Variants in LYSMD1 observed in about 807,000 individuals in gnomAD.
The protein encoded by LYSMD1 is lysM and putative peptidoglycan-binding domain-containing protein 1.
LYSMD1 carries 9 observed loss-of-function variants against 19.3 expected under a neutral mutation model. The ratio of observed to expected loss-of-function variants is 0.47; its 90% CI spans 0.28 to 0.81. LYSMD1 has a LOEUF of 0.81. Ranked by LOEUF, LYSMD1 falls within the 40% of genes least tolerant of loss-of-function variation. LYSMD1 has a pLI of 0.11. For missense variants in LYSMD1, 262 were observed against 279.8 expected, an observed-to-expected ratio of 0.94 and a Z score of 0.45; for synonymous variants, 111 against 111.7, an observed-to-expected ratio of 0.99 and a Z score of 0.04.
chr1:151,150,192 G>T, the LYSMD1 span, among the ~76,000 whole-genome samples: 1 of 152,120 alleles, frequency 6.6e-6, no homozygotes, highest in South Asian at 2.1e-4. Context: ...CTAGGCTCAA[G>T]TGATTCTCCT....
rs1683466280 is a variant in LYSMD1, at chr1:151,161,791, G to C, written c.490C>G (p.Gln164Glu). ...ASDFLKKLDS[Q>E]ISLSKKAAAQ... ...GCAGCCTTCTTGGACAGGCTGATCT[G>C]TGAATCAAGCTTCTTAAGGAAATCA... Residue 164 changes from glutamine to glutamate, a missense_variant, in exon 2 of 3, where the codon CAG becomes GAG. Physicochemically the swap from Gln to Glu is conservative, Grantham distance 29 (BLOSUM62 2). Transcript: ENST00000368908. The C allele has an allele frequency of 6.2e-7, 1 of 1,612,766 alleles. No individual in the cohort carries two copies. The highest frequency in any genetic ancestry group is 1.7e-5 in the Admixed American group (1 of 59,510).
chr1:151,155,911 T>C (rs1283430105), downstream of LYSMD1, among the ~76,000 whole-genome samples: 2 of 151,760 alleles, frequency 1.3e-5, no homozygotes, highest in Admixed American at 1.3e-4. Context: ...AAGACGATCC[T>C]GGCCAACATG....
downstream of LYSMD1, among the ~76,000 whole-genome samples, chr1:151,158,082 T>C (rs1683287891): frequency 6.6e-6 from 1 of 152,158 alleles, no homozygotes; most frequent in Non-Finnish European, 1.5e-5. Flanking sequence ...CCCGGCACTT[T>C]GGGAGGCCGA....
intron 2 of LYSMD1, 45 bp downstream of exon 2, chr1:151,161,691 G>C (rs769288440): frequency 6.3e-6 from 10 of 1,580,418 alleles, no homozygotes; most frequent in Non-Finnish European, 8.5e-6. Flanking sequence ...CAGGAATGAT[G>C]GAGGAGTCTA....
chr1:151,159,410 C>A (rs989187724), downstream of LYSMD1: 3 of 746,196 alleles, frequency 4.0e-6, no homozygotes, highest in Non-Finnish European at 6.5e-6. Flanking sequence ...CAGCCCACCC[C>A]CAAACAGCTA....
In LYSMD1 at chr1:151,165,222, A is replaced by T; in HGVS notation, c.37T>A (p.Ser13Thr). ...SPSRQPPPGG[S>T]GLLQGSRARS... ...GCCCGGCTCCCTTGAAGCAGTCCTGACCCCCCTGGCGGGGGCTGTCTAGAC... is the reference window on the plus strand; with the variant it reads ...GCCCGGCTCCCTTGAAGCAGTCCTGTCCCCCCTGGCGGGGGCTGTCTAGAC... Residue 13 changes from serine (S) to threonine (T), a missense_variant, in exon 1 of 3, where the codon TCA (serine) becomes ACA (threonine). Ser to Thr is a moderately conservative substitution (Grantham distance 58, BLOSUM62 1). Coordinates refer to ENST00000368908, the MANE Select transcript of LYSMD1 (RefSeq NM_212551.5). The T allele has an allele frequency of 6.2e-7, 1 of 1,613,158 alleles. No individual in the cohort carries two copies. Among genetic ancestry groups the T allele is most frequent in the Non-Finnish European group, 8.5e-7 (1 of 1,179,732 alleles).
At chr1:151,149,579 C>T in the LYSMD1 span, among the ~76,000 whole-genome samples, 18 of 151,942 alleles carry the variant, frequency 1.2e-4, 1 homozygote, top group East Asian at 1.5e-3. Context: ...AGTGAAACCC[C>T]GTCTCTACTA....
downstream of LYSMD1, among the ~76,000 whole-genome samples, chr1:151,155,032 T>C (rs1683188506): frequency 6.6e-6 from 1 of 152,188 alleles, no homozygotes; most frequent in African/African-American, 2.4e-5. Context: ...AGTGCTGGGA[T>C]TACAGTCATG....
the LYSMD1 span, among the ~76,000 whole-genome samples, chr1:151,150,020 T>C: frequency 6.6e-6 from 1 of 152,206 alleles, no homozygotes; most frequent in Non-Finnish European, 1.5e-5. Flanking sequence ...TGTCGAAGGT[T>C]CACCTATGAC....
chr1:151,154,516 A>G, the LYSMD1 span, among the ~76,000 whole-genome samples: 3 of 144,508 alleles, frequency 2.1e-5, no homozygotes, highest in East Asian at 4.6e-4. Flanking sequence ...GAGAGGAAGG[A>G]AGGGAGGGAG....
downstream of LYSMD1, chr1:151,159,399 C>A (rs957856744): frequency 1.1e-5 from 9 of 815,182 alleles, no homozygotes; most frequent in Non-Finnish European, 1.3e-5. Context: ...GACTCTGAGA[C>A]CAGCCCACCC....
the LYSMD1 span, among the ~76,000 whole-genome samples, chr1:151,150,735 T>TA: frequency 2.8e-5 from 4 of 143,178 alleles, no homozygotes; most frequent in Non-Finnish European, 6.0e-5. Flanking sequence ...TCTTTTCTTT[T>TA]CTTTTTTTTT....
At chr1:151,161,313 T>C (rs587636467) in intron 2 of LYSMD1, among the ~76,000 whole-genome samples, 1 of 152,034 alleles carries the variant, frequency 6.6e-6, no homozygotes, top group Admixed American at 6.6e-5. Context: ...CTGGCTAACA[T>C]GGTGAAACCC....
the LYSMD1 span, among the ~76,000 whole-genome samples, chr1:151,149,224 T>TAAAA: frequency 6.6e-6 from 1 of 151,648 alleles, no homozygotes; most frequent in African/African-American, 2.4e-5. Context: ...AAACTCCAGC[T>TAAAA]CTGCTAAAAA....
the LYSMD1 span, among the ~76,000 whole-genome samples, chr1:151,148,845 G>C: frequency 6.6e-6 from 1 of 152,176 alleles, no homozygotes; most frequent in Non-Finnish European, 1.5e-5. Context: ...AAAAGGGGAA[G>C]ACAAATTACA....
downstream of LYSMD1, chr1:151,159,374 C>T (rs1683354095): frequency 1.8e-6 from 2 of 1,094,120 alleles, no homozygotes; most frequent in Non-Finnish European, 2.6e-6. Flanking sequence ...TTCATTCCTT[C>T]CCAAGAGTGC....
At chr1:151,159,698 G>A (rs587771852), downstream of LYSMD1, 28 of 191,548 alleles carry the variant, frequency 1.5e-4, no homozygotes, top group African/African-American at 6.4e-4. Context: ...GCAGGAAGAA[G>A]GGGCTAGGGC....
chr1:151,154,478 CA>C, the LYSMD1 span, among the ~76,000 whole-genome samples: 134 of 83,138 alleles, frequency 1.6e-3, no homozygotes, highest in East Asian at 0.037. Context: ...AAGACTCTGT[CA>C]AAAAAAAAAA....
In LYSMD1 at chr1:151,160,729, C is replaced by G. The variant is rs1055978507; in HGVS notation, c.*153G>C. The G allele has an allele frequency of 1.1e-6, 1 of 921,062 alleles. No individual in the cohort carries two copies. Among genetic ancestry groups the G allele is most frequent in the Non-Finnish European group, 1.6e-6 (1 of 625,146 alleles). The allele number at this position is 921,062 out of a possible 1,614,324, so 57.1% of individuals were successfully genotyped here. A position where few individuals can be genotyped will look rare whatever the true frequency, so the allele number is the denominator to read the frequency against. Reference sequence around the variant, plus strand: ...TCTTGCCAATAAAACTGCCCCAGGCCAAGGAATTTTTGGCAGACAAGGAGG... The same window carrying G: ...TCTTGCCAATAAAACTGCCCCAGGCGAAGGAATTTTTGGCAGACAAGGAGG... On this transcript the variant is annotated 3_prime_UTR_variant, in exon 3 of 3. Coordinates refer to ENST00000368908, the MANE Select transcript of LYSMD1 (RefSeq NM_212551.5).
Sources: allele counts gnomAD v4.1 joint callset (sites outside exome capture counted in the v4.1 genomes callset), GRCh38; gene constraint gnomAD v4.1.1; transcripts MANE v1.5; gene names NCBI Gene and HGNC (gene_info 2026-07-23, HGNC 2026-07-21).